SNTG1: variants seen among roughly 807,000 people sequenced by gnomAD.
The protein encoded by SNTG1 is syntrophin gamma 1, also known as gamma-1-syntrophin.
In SNTG1, 39 loss-of-function variants were observed where a neutral mutation model predicts 74.7. The observed-to-expected ratio is 0.52, with a 90% CI of 0.40 to 0.68. SNTG1 has a LOEUF of 0.68. Ranked by LOEUF, SNTG1 falls within the 30% of genes least tolerant of loss-of-function variation. The probability of loss-of-function intolerance (pLI) is 0.00; values close to 1 mark genes in which losing one functional copy is unlikely to be tolerated. For synonymous variants in SNTG1, 254 were observed against 217.1 expected (o/e 1.17, Z -1.49); for missense variants, 685 against 609.5 (o/e 1.12, Z -1.30).
intron 1 of SNTG1, among the ~76,000 whole-genome samples, chr8:50,046,393 C>A (rs757104330): frequency 2.6e-5 from 4 of 152,062 alleles, no homozygotes; most frequent in Non-Finnish European, 5.9e-5. Flanking sequence ...ACTTGGTATT[C>A]TTTCTGAAAA....
intron 15 of SNTG1, among the ~76,000 whole-genome samples, chr8:50,667,126 T>C (rs1240420282): frequency 6.6e-6 from 1 of 151,948 alleles, no homozygotes; most frequent in East Asian, 1.9e-4. Context: ...CGGAAGATAA[T>C]ACATGATATA....
intron 1 of SNTG1, among the ~76,000 whole-genome samples, chr8:49,966,359 A>T (rs1359403831): frequency 3.3e-5 from 5 of 152,074 alleles, no homozygotes; most frequent in Non-Finnish European, 5.9e-5. Context: ...GTTTAAAAAA[A>T]GTCTATAGCT....
chr8:50,645,167 A>G (rs2095100193), intron 13 of SNTG1, among the ~76,000 whole-genome samples: 1 of 6,520 alleles, frequency 1.5e-4, no homozygotes, highest in Non-Finnish European at 2.8e-4. Flanking sequence ...AGGTTCTATA[A>G]TGAACCTTGA....
intron 2 of SNTG1, among the ~76,000 whole-genome samples, chr8:50,240,703 A>C (rs1328727199): frequency 6.6e-6 from 1 of 152,168 alleles, no homozygotes; most frequent in African/African-American, 2.4e-5. Flanking sequence ...TCGGTTCTTC[A>C]TGTTGGCCTC....
chr8:50,273,256 A>G (rs1284204985), intron 2 of SNTG1, among the ~76,000 whole-genome samples: 1 of 152,138 alleles, frequency 6.6e-6, no homozygotes, highest in Admixed American at 6.6e-5. Flanking sequence ...GTGAAGTTTC[A>G]TACTAAGAGC....
intron 2 of SNTG1, among the ~76,000 whole-genome samples, chr8:50,322,240 T>C (rs187824761): frequency 6.6e-6 from 1 of 152,174 alleles, no homozygotes; most frequent in Non-Finnish European, 1.5e-5. Flanking sequence ...TTCTCTTTCA[T>C]GCTTGAAAGA....
At chr8:49,946,826 A>G (rs1809233138) in intron 1 of SNTG1, among the ~76,000 whole-genome samples, 1 of 152,214 alleles carries the variant, frequency 6.6e-6, no homozygotes, top group Admixed American at 6.5e-5. Flanking sequence ...AGGACATGTA[A>G]CTTCTAGTTG....
At chr8:50,184,581 T>G (rs1174115505) in intron 2 of SNTG1, among the ~76,000 whole-genome samples, 2 of 152,240 alleles carry the variant, frequency 1.3e-5, no homozygotes, top group Admixed American at 6.5e-5. Context: ...AATTATGGTA[T>G]GTTTTCAAAT....
At position 50,334,265 on chromosome 8, in the gene SNTG1, C is replaced by T. The variant is rs75549339; in HGVS notation, c.-27-59947C>T. On this transcript the variant is annotated intron_variant, in intron 2 of 18. Coordinates refer to ENST00000642720, the MANE Select transcript of SNTG1 (RefSeq NM_018967.5). ...ATGGCAGCCCCCTTGAATTCAGCCT[C>T]TTGCCATGAGCCAAGAATCTATGTA... 1.3e-3 allele frequency among the ~76,000 whole-genome samples: 200 copies of T among 152,292 alleles called. No individual in the cohort carries two copies. The East Asian group carries it at 0.033, about 25-fold the overall frequency.
At position 50,039,454 on chromosome 8, in the gene SNTG1, C is replaced by CAAAAAA. The variant is rs568678808; in HGVS notation, c.-103+127247_-103+127252dup. Among the ~76,000 whole-genome samples, 109 of 46,160 alleles carry CAAAAAA rather than the reference C, an allele frequency of 2.4e-3. 4 individuals carry two copies. Among genetic ancestry groups the CAAAAAA allele is most frequent in the African/African-American group, 9.0e-3 (106 of 11,738 alleles). The allele number at this position is 46,160 out of a possible 152,430, so 30.3% of individuals were successfully genotyped here. ...TGGGTGACAGAGCAAGACTCCGTCT[C>CAAAAAA]AAAAAAAAAAAAAAAAAAAAAAAAA... On this transcript the variant is annotated intron_variant, in intron 1 of 18. Coordinates refer to ENST00000642720, the MANE Select transcript of SNTG1 (RefSeq NM_018967.5).
At chr8:50,016,791 G>A (rs1426690832) in intron 1 of SNTG1, among the ~76,000 whole-genome samples, 1 of 152,058 alleles carries the variant, frequency 6.6e-6, no homozygotes, top group Non-Finnish European at 1.5e-5. Context: ...TTAAAATGAT[G>A]TATAACAAAC....
chr8:50,391,364 G>A (rs1196731072), intron 2 of SNTG1, among the ~76,000 whole-genome samples: 1 of 152,124 alleles, frequency 6.6e-6, no homozygotes, highest in Non-Finnish European at 1.5e-5. Flanking sequence ...TTTATATGCT[G>A]GATTACGTTT....
At chr8:50,781,035 G>A (rs577910190) in intron 18 of SNTG1, among the ~76,000 whole-genome samples, 3 of 152,182 alleles carry the variant, frequency 2.0e-5, no homozygotes, top group Non-Finnish European at 4.4e-5. Flanking sequence ...TCTTAATCCT[G>A]AGTTCTAGTT....
chr8:50,376,219 C>G (rs1374300672), intron 2 of SNTG1, among the ~76,000 whole-genome samples: 1 of 152,144 alleles, frequency 6.6e-6, no homozygotes, highest in Admixed American at 6.6e-5. Flanking sequence ...ATTCTGATTT[C>G]CAACAACTGT....
At chr8:50,101,681 T>C (rs1180284409) in intron 1 of SNTG1, among the ~76,000 whole-genome samples, 1 of 152,036 alleles carries the variant, frequency 6.6e-6, no homozygotes, top group African/African-American at 2.4e-5. Flanking sequence ...TAGCATTAGG[T>C]ATATCTCCTA....
intron 2 of SNTG1, among the ~76,000 whole-genome samples, chr8:50,268,177 T>C (rs748398867): frequency 4.6e-5 from 7 of 152,064 alleles, no homozygotes; most frequent in Admixed American, 6.6e-5. Flanking sequence ...CACAGGAAAA[T>C]TATTTGGTAA....
intron 2 of SNTG1, among the ~76,000 whole-genome samples, chr8:50,254,491 TTGAG>T (rs1192662932): frequency 2.7e-4 from 41 of 152,302 alleles, no homozygotes; most frequent in Admixed American, 2.0e-4. Flanking sequence ...TTTCTTCTAC[TTGAG>T]TCTCAAATTT....
intron 3 of SNTG1, among the ~76,000 whole-genome samples, chr8:50,397,341 T>C (rs910321901): frequency 3.9e-5 from 6 of 152,216 alleles, no homozygotes; most frequent in African/African-American, 1.2e-4. Flanking sequence ...AATAATTATG[T>C]AGGTGATTTT....
intron 15 of SNTG1, among the ~76,000 whole-genome samples, chr8:50,659,591 A>C (rs2095206418): frequency 1.3e-5 from 2 of 152,324 alleles, no homozygotes; most frequent in African/African-American, 4.8e-5. Flanking sequence ...CTTATAGAGA[A>C]CTTTGGATTA....
Sources: allele counts gnomAD v4.1 joint callset (sites outside exome capture counted in the v4.1 genomes callset), GRCh38; gene constraint gnomAD v4.1.1; transcripts MANE v1.5; gene names NCBI Gene and HGNC (gene_info 2026-07-23, HGNC 2026-07-21).